Variants in GRM7 observed in about 807,000 individuals in gnomAD.
GRM7 encodes metabotropic glutamate receptor 7.
Under a neutral mutation model 84.5 loss-of-function variants are expected in GRM7, and 35 were observed. The ratio of observed to expected loss-of-function variants is 0.41; its 90% CI spans 0.32 to 0.55. The LOEUF is 0.55. Ranked by LOEUF, GRM7 falls within the 20% of genes least tolerant of loss-of-function variation. The pLI is 0.19. For synonymous variants in GRM7, 487 were observed against 455.1 expected (o/e 1.07, Z -0.89); for missense variants, 1,003 against 1,194.6 (o/e 0.84, Z 2.36).
intron 1 of GRM7, among the ~76,000 whole-genome samples, chr3:6,970,194 C>G (rs980174624): frequency 3.3e-5 from 4 of 121,448 alleles, no homozygotes; most frequent in Non-Finnish European, 6.9e-5. Context: ...AAGCTAGCCT[C>G]TCCTGAAAAC....
intron 9 of GRM7, among the ~76,000 whole-genome samples, chr3:7,728,412 GC>G (rs1451341996): frequency 3.3e-5 from 5 of 152,218 alleles, no homozygotes; most frequent in African/African-American, 1.2e-4. Context: ...CGATCTCTAT[GC>G]CTGATTAATT....
chr3:6,883,271 T>C (rs1381236964), intron 1 of GRM7, among the ~76,000 whole-genome samples: 1 of 152,088 alleles, frequency 6.6e-6, no homozygotes, highest in African/African-American at 2.4e-5. Flanking sequence ...TTTTTATATA[T>C]TATAATGTTT....
chr3:7,479,924 C>T (rs1699066407), intron 7 of GRM7, among the ~76,000 whole-genome samples: 1 of 152,188 alleles, frequency 6.6e-6, no homozygotes, highest in South Asian at 2.1e-4. Flanking sequence ...TTGTTTTTAC[C>T]TTGCTACTGT....
intron 7 of GRM7, among the ~76,000 whole-genome samples, chr3:7,507,897 A>C (rs1267086642): frequency 1.3e-5 from 2 of 152,282 alleles, no homozygotes; most frequent in Non-Finnish European, 2.9e-5. Context: ...TTGCTTGTTC[A>C]ACACTTATTT....
chr3:7,000,891 T>C (rs534624809), intron 1 of GRM7, among the ~76,000 whole-genome samples: 2 of 152,228 alleles, frequency 1.3e-5, no homozygotes, highest in South Asian at 2.1e-4. Context: ...GGGACAGAGA[T>C]GTGAATGAAC....
Position 7,151,089 on chromosome 3 carries a change from G to A in GRM7, c.736+4421G>A, listed in dbSNP as rs1230487601. On this transcript the variant is annotated intron_variant, in intron 2 of 9. Coordinates refer to ENST00000357716, the MANE Select transcript of GRM7 (RefSeq NM_000844.4). The surrounding 1 kb of genome is among the most constrained non-coding windows in gnomAD (Gnocchi z 4.5). ...GTTGTATTTCAATTGTTCTTATAAA[G>A]TAATTATTATTATTCAGATAAACTC... Among the ~76,000 whole-genome samples the A allele has an allele frequency of 6.6e-6, 1 of 151,976 alleles. No homozygotes were observed. Among genetic ancestry groups the A allele is most frequent in the Non-Finnish European group, 1.5e-5 (1 of 67,994 alleles).
chr3:6,938,886 C>T (rs955056279), intron 1 of GRM7, among the ~76,000 whole-genome samples: 1 of 152,278 alleles, frequency 6.6e-6, no homozygotes, highest in African/African-American at 2.4e-5. Flanking sequence ...TTGGGAAATC[C>T]ATTGATATTC....
intron 3 of GRM7, among the ~76,000 whole-genome samples, chr3:7,303,830 C>T (rs1276762062): frequency 6.6e-6 from 1 of 151,646 alleles, no homozygotes; most frequent in Non-Finnish European, 1.5e-5. Flanking sequence ...AGAGTTTCTT[C>T]CTCTCACTCT....
At chr3:7,318,210 A>G (rs776583039) in intron 4 of GRM7, among the ~76,000 whole-genome samples, 34 of 152,092 alleles carry the variant, frequency 2.2e-4, no homozygotes, top group Non-Finnish European at 4.9e-4. Flanking sequence ...TTGTTTTTTT[A>G]TCACAAGGAC....
intron 7 of GRM7, among the ~76,000 whole-genome samples, chr3:7,509,213 TGA>T (rs146969100): frequency 6.6e-6 from 1 of 151,806 alleles, no homozygotes; most frequent in African/African-American, 2.4e-5. Flanking sequence ...TAAGATATTT[TGA>T]GAGAGAGAGA....
intron 8 of GRM7, among the ~76,000 whole-genome samples, chr3:7,644,306 G>T (rs1021704975): frequency 6.6e-6 from 1 of 151,932 alleles, no homozygotes; most frequent in African/African-American, 2.4e-5. Context: ...GATGCCAAAA[G>T]AACACAAAAA....
Position 7,597,977 on chromosome 3 carries a change from T to A in GRM7, c.2451+18620T>A, listed in dbSNP as rs547943452. 4.6e-5 allele frequency among the ~76,000 whole-genome samples: 7 copies of A among 152,238 alleles called. No individual in the cohort carries two copies. In the East Asian group the frequency reaches 9.7e-4, roughly 21 times the overall value. ...CCACTTTCTCTCCTACATTTCCTACTTCCATAAGCAGAGAATGAGGGAAAG... is the reference window on the plus strand; with the variant it reads ...CCACTTTCTCTCCTACATTTCCTACATCCATAAGCAGAGAATGAGGGAAAG... On this transcript the variant is annotated intron_variant, in intron 8 of 9. Transcript: ENST00000357716.
intron 9 of GRM7, among the ~76,000 whole-genome samples, chr3:7,701,477 T>G (rs1701226233): frequency 6.6e-6 from 1 of 151,874 alleles, no homozygotes; most frequent in Non-Finnish European, 1.5e-5. Context: ...ATTTTTGTTG[T>G]ATGTTTTAGT....
chr3:6,909,654 T>C (rs1696699474), intron 1 of GRM7, among the ~76,000 whole-genome samples: 1 of 152,092 alleles, frequency 6.6e-6, no homozygotes, highest in African/African-American at 2.4e-5. Flanking sequence ...CAGGGAAATA[T>C]GCCACTACTT....
At chr3:7,000,777 G>A (rs1694987008) in intron 1 of GRM7, among the ~76,000 whole-genome samples, 1 of 152,130 alleles carries the variant, frequency 6.6e-6, no homozygotes, top group South Asian at 2.1e-4. Context: ...CTTTGGAATG[G>A]GGAAAAGCAA....
At chr3:7,179,122 T>A (rs868274200) in intron 2 of GRM7, among the ~76,000 whole-genome samples, 3 of 151,814 alleles carry the variant, frequency 2.0e-5, no homozygotes, top group Middle Eastern at 3.4e-3. Flanking sequence ...TAAAAAAATG[T>A]TATCTTGGTA....
At chr3:7,129,788 C>T (rs984406067) in intron 1 of GRM7, among the ~76,000 whole-genome samples, 1 of 152,142 alleles carries the variant, frequency 6.6e-6, no homozygotes, top group African/African-American at 2.4e-5. Flanking sequence ...GAATTCTTTA[C>T]CTGTCAACTT....
chr3:7,415,323 G>A (rs1575303560), intron 5 of GRM7, among the ~76,000 whole-genome samples, 160 bp downstream of exon 5: 1 of 152,142 alleles, frequency 6.6e-6, no homozygotes, highest in African/African-American at 2.4e-5. Flanking sequence ...ACGTCTTGCA[G>A]GACAAAAGAC....
intron 1 of GRM7, among the ~76,000 whole-genome samples, chr3:6,904,107 T>C (rs901503244): frequency 6.6e-6 from 1 of 152,192 alleles, no homozygotes; most frequent in Non-Finnish European, 1.5e-5. Context: ...CATAAATCTA[T>C]AATTTTAATG....
Sources: allele counts gnomAD v4.1 joint callset (sites outside exome capture counted in the v4.1 genomes callset), GRCh38; gene constraint gnomAD v4.1.1; non-coding constraint Gnocchi (gnomAD v3.1); transcripts MANE v1.5; gene names NCBI Gene and HGNC (gene_info 2026-07-23, HGNC 2026-07-21).